Variants in ACTG2 observed in about 807,000 individuals in gnomAD.
ACTG2 encodes actin gamma 2, smooth muscle, also known as actin, gamma-enteric smooth muscle.
In ACTG2, 16 loss-of-function variants were observed where a neutral mutation model predicts 37.6. The ratio of observed to expected loss-of-function variants is 0.43; its 90% CI spans 0.29 to 0.65. ACTG2 has a LOEUF of 0.65. Ranked by LOEUF, ACTG2 falls within the 30% of genes least tolerant of loss-of-function variation. The pLI, the probability that ACTG2 is intolerant of heterozygous loss-of-function variation, is 0.18. For missense variants in ACTG2, 238 were observed against 490.9 expected (o/e 0.48, Z 4.87); for synonymous variants, 181 against 179.9 (o/e 1.01, Z -0.05).
intron 1 of ACTG2, among the ~76,000 whole-genome samples, chr2:73,894,092 G>A (rs1679689537): frequency 6.6e-6 from 1 of 152,146 alleles, no homozygotes; most frequent in Non-Finnish European, 1.5e-5. Flanking sequence ...AGGCTGTCAG[G>A]GCCCGGCCCT....
intron 3 of ACTG2, among the ~76,000 whole-genome samples, chr2:73,906,375 C>T (rs955690617): frequency 1.3e-5 from 2 of 151,940 alleles, no homozygotes; most frequent in Admixed American, 6.6e-5. Context: ...GCCGTGAACC[C>T]GGGAGGCGGA....
chr2:73,896,151 T>C (rs932611900), intron 1 of ACTG2, among the ~76,000 whole-genome samples: 4 of 152,056 alleles, frequency 2.6e-5, no homozygotes, highest in African/African-American at 9.7e-5. Flanking sequence ...CTGGGCAACA[T>C]AGCAAGACCC....
chr2:73,915,828 A>G (rs1324436848), intron 7 of ACTG2, among the ~76,000 whole-genome samples: 1 of 152,234 alleles, frequency 6.6e-6, no homozygotes, highest in Admixed American at 6.5e-5. Flanking sequence ...CATCCAGAAT[A>G]GGCAAACCTC....
intron 3 of ACTG2, 124 bp downstream of exon 3, chr2:73,902,612 CTTTCTT>C: frequency 6.4e-7 from 1 of 1,554,474 alleles, no homozygotes; most frequent in Non-Finnish European, 8.7e-7. Context: ...TCTGTCTTTC[CTTTCTT>C]TTCAGCCCCA....
intron 6 of ACTG2, among the ~76,000 whole-genome samples, chr2:73,914,450 T>C (rs1680208997): frequency 6.6e-6 from 1 of 151,646 alleles, no homozygotes; most frequent in South Asian, 2.1e-4. Context: ...TTCCAGCTAC[T>C]TGGGAGGCTG....
At chr2:73,910,378 T>TTC (rs1232280313) in intron 5 of ACTG2, among the ~76,000 whole-genome samples, 2 of 137,386 alleles carry the variant, frequency 1.5e-5, no homozygotes, top group African/African-American at 2.6e-5. Flanking sequence ...TTTTTTTTTT[T>TTC]TTTTTTTGAG....
chr2:73,899,330 G>A (rs2249441), intron 1 of ACTG2, among the ~76,000 whole-genome samples: 117,120 of 151,892 alleles, frequency 0.77, 45,342 homozygotes, highest in Admixed American at 0.83. Flanking sequence ...CCAGCCATAG[G>A]GCATGCCTGT....
In ACTG2 at chr2:73,906,023, TAAA is replaced by T. The variant is rs981138960; in HGVS notation, c.256-2648_256-2646del. On this transcript the variant is annotated intron_variant, in intron 3 of 8. Coordinates refer to ENST00000345517, the MANE Select transcript of ACTG2 (RefSeq NM_001615.4). ...GAACATAGTATAATAATATAATAAATAAAAGAATATGAAATAAATAATGATAGT... is the reference window on the plus strand; with the variant it reads ...GAACATAGTATAATAATATAATAAATAGAATATGAAATAAATAATGATAGT... Among the ~76,000 whole-genome samples the T allele has an allele frequency of 2.1e-3, 319 of 150,442 alleles. 2 individuals are homozygous for T. The highest frequency in any genetic ancestry group is 7.6e-3 in the African/African-American group (311 of 41,136).
chr2:73,896,687 A>T (rs1033182174), intron 1 of ACTG2: 4 of 152,058 alleles, frequency 2.6e-5, no homozygotes, highest in Admixed American at 2.0e-4. Context: ...GGCCAGGGAG[A>T]CGGGTGAGTG....
intron 3 of ACTG2, among the ~76,000 whole-genome samples, chr2:73,906,019 TAAATA>T (rs972047166): frequency 1.3e-4 from 20 of 148,232 alleles, no homozygotes; most frequent in African/African-American, 4.4e-4. Flanking sequence ...AATAATATAA[TAAATA>T]AAAGAATATG....
At chr2:73,899,824 G>A (rs536724062) in intron 1 of ACTG2, among the ~76,000 whole-genome samples, 1 of 152,286 alleles carries the variant, frequency 6.6e-6, no homozygotes, top group South Asian at 2.1e-4. Context: ...GGGGCTATGG[G>A]AGACATAAGG....
intron 6 of ACTG2, 129 bp from the exon 7 acceptor site, chr2:73,914,549 ACT>A: frequency 1.4e-6 from 1 of 691,390 alleles, no homozygotes; most frequent in East Asian, 3.3e-5. Flanking sequence ...ACAGAGTGAG[ACT>A]CTGTCTCAAA....
At chr2:73,896,187 TGAAATTAGCA>T (rs1161806194) in intron 1 of ACTG2, among the ~76,000 whole-genome samples, 4 of 151,898 alleles carry the variant, frequency 2.6e-5, no homozygotes, top group African/African-American at 9.7e-5. Flanking sequence ...AATTTTTTTT[TGAAATTAGCA>T]GAATGTAGTG....
At chr2:73,899,064 C>G (rs908608227) in intron 1 of ACTG2, among the ~76,000 whole-genome samples, 2 of 152,094 alleles carry the variant, frequency 1.3e-5, no homozygotes, top group Non-Finnish European at 2.9e-5. Flanking sequence ...CCCACCTTGG[C>G]CTCCCAAAGT....
chr2:73,914,558 CAAAAAA>C (rs59417466), intron 6 of ACTG2, 116 bp from the exon 7 acceptor site: 55 of 515,990 alleles, frequency 1.1e-4, no homozygotes, highest in East Asian at 5.4e-4. Context: ...GACTCTGTCT[CAAAAAA>C]AAAAAAAAAA....
In ACTG2 at chr2:73,912,282, C is replaced by T. The variant is rs139680180; in HGVS notation, c.452-1203C>T. Among the ~76,000 whole-genome samples, 976 of 152,234 alleles carry T rather than the reference C, an allele frequency of 6.4e-3. 12 individuals are homozygous for T. The highest frequency in any genetic ancestry group is 0.022 in the African/African-American group (921 of 41,542). On this transcript the variant is annotated intron_variant, in intron 5 of 8. Transcript: ENST00000345517. ...AAGCGATTCTCCTGCCTCAGTCTCC[C>T]GAATAGCTGGAATTACATGCACCTG...
intron 1 of ACTG2, among the ~76,000 whole-genome samples, chr2:73,895,938 T>C (rs1424942324): frequency 7.9e-5 from 12 of 152,240 alleles, no homozygotes; most frequent in Admixed American, 6.5e-4. Context: ...TGAATGGATG[T>C]GGCTGTGTTT....
rs1679682459 is a variant in ACTG2 at position 73,893,811 on chromosome 2, AACAC to A, written c.-37+768_-37+771del. On this transcript the variant is annotated intron_variant, in intron 1 of 8. Transcript: ENST00000345517. The stretch of plus-strand genomic sequence containing the variant: ...TGTCATTACTCCCCCCAACCCACCC[AACAC>A]ACACACAACACATGCACAAAGAATT... Among the ~76,000 whole-genome samples the A allele has an allele frequency of 2.6e-5, 4 of 152,198 alleles. No homozygotes were observed. In the South Asian group the frequency reaches 8.3e-4, roughly 32 times the overall value.
chr2:73,895,265 C>G (rs368717978), intron 1 of ACTG2, among the ~76,000 whole-genome samples: 6 of 152,128 alleles, frequency 3.9e-5, no homozygotes, highest in South Asian at 2.1e-4. Flanking sequence ...TGGACAGGAG[C>G]AGAGCCAGGG....
Sources: allele counts gnomAD v4.1 joint callset (sites outside exome capture counted in the v4.1 genomes callset), GRCh38; gene constraint gnomAD v4.1.1; transcripts MANE v1.5; gene names NCBI Gene and HGNC (gene_info 2026-07-23, HGNC 2026-07-21).